The following CSMD3 variants were observed in gnomAD, a reference collection of about 807,000 sequenced individuals.
CSMD3 encodes CUB and sushi domain-containing protein 3.
In CSMD3, 177 loss-of-function variants were observed where a neutral mutation model predicts 435.2. The ratio of observed to expected loss-of-function variants is 0.41; its 90% CI spans 0.36 to 0.46. The LOEUF is 0.46. Among genes scored for constraint, CSMD3 ranks in the 20% least tolerant of loss-of-function variants. The pLI is 0.34. For missense variants in CSMD3, 4,265 were observed against 4,504.6 expected, an observed-to-expected ratio of 0.95 and a Z score of 1.52; for synonymous variants, 1,656 against 1,520.5, an observed-to-expected ratio of 1.09 and a Z score of -2.07.
intron 13 of CSMD3, among the ~76,000 whole-genome samples, chr8:112,725,913 T>C (rs563343139): frequency 1.3e-4 from 20 of 152,126 alleles, no homozygotes; most frequent in African/African-American, 4.3e-4. Flanking sequence ...TTCATACTGC[T>C]ATAAAGAACT....
chr8:113,131,316 G>A (rs2091278021), intron 4 of CSMD3, among the ~76,000 whole-genome samples: 2 of 152,022 alleles, frequency 1.3e-5, no homozygotes, highest in Admixed American at 1.3e-4. Flanking sequence ...AGCCAAGGAG[G>A]AAAAAATGGC....
At chr8:113,060,047 G>A (rs1347928821) in intron 5 of CSMD3, among the ~76,000 whole-genome samples, 1 of 146,298 alleles carries the variant, frequency 6.8e-6, no homozygotes, top group African/African-American at 2.5e-5. Flanking sequence ...CATTGTGCAG[G>A]TTAGTTACAT....
At chr8:112,815,179 G>A (rs2079339284) in intron 12 of CSMD3, among the ~76,000 whole-genome samples, 1 of 152,012 alleles carries the variant, frequency 6.6e-6, no homozygotes, top group African/African-American at 2.4e-5. Flanking sequence ...ATAATGTATG[G>A]TTTTTAAAAT....
intron 32 of CSMD3, among the ~76,000 whole-genome samples, chr8:112,437,010 A>G (rs1814428925): frequency 6.6e-6 from 1 of 152,046 alleles, no homozygotes; most frequent in South Asian, 2.1e-4. Context: ...AACTTGGCTA[A>G]AAGACGGGTT....
At chr8:113,169,690 T>C (rs2092231619) in intron 4 of CSMD3, among the ~76,000 whole-genome samples, 1 of 152,204 alleles carries the variant, frequency 6.6e-6, no homozygotes, top group South Asian at 2.1e-4. Context: ...GGGGTATGTG[T>C]ATTATATTGC....
At chr8:113,391,990 A>T (rs1457844528) in intron 1 of CSMD3, among the ~76,000 whole-genome samples, 1 of 152,016 alleles carries the variant, frequency 6.6e-6, no homozygotes, top group East Asian at 1.9e-4. Context: ...TTATCCCCAC[A>T]TCTCACCTAA....
intron 5 of CSMD3, among the ~76,000 whole-genome samples, chr8:113,088,564 C>G (rs568191662): frequency 1.3e-5 from 2 of 151,834 alleles, no homozygotes; most frequent in East Asian, 3.9e-4. Context: ...TTTGTAGGGA[C>G]ATGGATGAAG....
rs773585004 is a variant in CSMD3 at position 113,399,106 on chromosome 8, T to TATATATATACACACAC, written c.178+37570_178+37571insGTGTGTGTATATATAT. Among the ~76,000 whole-genome samples the TATATATATACACACAC allele has an allele frequency of 2.8e-3, 269 of 95,036 alleles. 4 individuals carry two copies. The highest frequency in any genetic ancestry group is 0.01 in the African/African-American group (226 of 22,120). 62.3% of individuals were successfully genotyped at this position (95,036 alleles called of 152,430 possible). A position where few individuals can be genotyped will look rare whatever the true frequency, so the allele number is the denominator to read the frequency against. ...ATATATATATATATATATATATATA[T>TATATATATACACACAC]ACACACACACACACACACTATATAT... On this transcript the variant is annotated intron_variant, in intron 1 of 70. Transcript: ENST00000297405.
intron 46 of CSMD3, among the ~76,000 whole-genome samples, chr8:112,319,506 A>G (rs1249617958): frequency 2.0e-5 from 3 of 152,190 alleles, no homozygotes; most frequent in Non-Finnish European, 4.4e-5. Context: ...TTTCCAAGAT[A>G]TGGAAATGAA....
At chr8:113,147,925 G>A (rs1463732835) in intron 4 of CSMD3, among the ~76,000 whole-genome samples, 1 of 151,570 alleles carries the variant, frequency 6.6e-6, no homozygotes, top group African/African-American at 2.4e-5. Context: ...AGTGTCTCTT[G>A]TTTAGAACAC....
At position 112,656,313 on chromosome 8, in the gene CSMD3, G is replaced by A. The variant is rs2131662386; in HGVS notation, c.2845C>T (p.Leu949=). Reference sequence around the variant, plus strand: ...AGATTTGGCCCATCATGAACTTCCAGAACATCATAATTCAGTTCAGTCTGA... The same window carrying A: ...AGATTTGGCCCATCATGAACTTCCAAAACATCATAATTCAGTTCAGTCTGA... The part of the protein sequence containing the change: ...RFQTELNYDV[L]EVHDGPNLLS... Residue 949 remains leucine (L), a synonymous_variant, in exon 18 of 71, where the codon CTG becomes TTG. Transcript: ENST00000297405. 1 of 1,613,308 alleles carries A rather than the reference G, an allele frequency of 6.2e-7. No individual in the cohort carries two copies. The highest frequency in any genetic ancestry group is 8.5e-7 in the Non-Finnish European group (1 of 1,179,526).
intron 13 of CSMD3, among the ~76,000 whole-genome samples, chr8:112,726,562 C>T (rs1477503014): frequency 6.6e-6 from 1 of 151,752 alleles, no homozygotes; most frequent in East Asian, 1.9e-4. Flanking sequence ...TAGTATTAAG[C>T]AGAGTGTTAG....
At chr8:112,619,026 G>T (rs551225417) in intron 22 of CSMD3, among the ~76,000 whole-genome samples, 1 of 152,052 alleles carries the variant, frequency 6.6e-6, no homozygotes, top group East Asian at 1.9e-4. Context: ...ACTATACAAA[G>T]GACATTTGAA....
intron 3 of CSMD3, among the ~76,000 whole-genome samples, chr8:113,248,275 C>A (rs1010308504): frequency 9.3e-5 from 14 of 151,052 alleles, no homozygotes; most frequent in Non-Finnish European, 1.9e-4. Context: ...CTTACGTGTA[C>A]CATTTTTCAA....
chr8:112,865,264 G>A (rs1265283090), intron 10 of CSMD3, among the ~76,000 whole-genome samples: 1 of 152,140 alleles, frequency 6.6e-6, no homozygotes, highest in Non-Finnish European at 1.5e-5. Context: ...AAGACAGGCT[G>A]ACATTTTATT....
Position 112,909,027 on chromosome 8 carries a change from CT to C in CSMD3, c.1633+12599del, listed in dbSNP as rs950896809. On this transcript the variant is annotated intron_variant, in intron 10 of 70. Coordinates refer to ENST00000297405, the MANE Select transcript of CSMD3 (RefSeq NM_198123.2). The stretch of plus-strand genomic sequence containing the variant: ...TTTTTATATCTAAAGGTTTTCTTGT[CT>C]TTTTTTTTCCCTCAGAATTTAGTAG... Among the ~76,000 whole-genome samples the C allele has an allele frequency of 4.6e-4, 69 of 150,112 alleles. 3 individuals are homozygous for C. In the South Asian group the frequency reaches 0.011, roughly 24 times the overall value.
chr8:112,682,437 C>A lies in CSMD3; in HGVS notation c.2677+5G>T. Reference sequence around the variant, plus strand: ...GTTCTATTTCTCACTCACTACTACACTTACCTCCACATTTTGGAATCAGTC... The same window carrying A: ...GTTCTATTTCTCACTCACTACTACAATTACCTCCACATTTTGGAATCAGTC... On this transcript the variant is annotated splice_donor_5th_base_variant and intron_variant, in intron 16 of 70. Coordinates refer to ENST00000297405, the MANE Select transcript of CSMD3 (RefSeq NM_198123.2). 6.2e-7 allele frequency: 1 copy of A among 1,608,790 alleles called. No homozygotes were observed. Among genetic ancestry groups the A allele is most frequent in the Non-Finnish European group, 8.5e-7 (1 of 1,176,940 alleles).
intron 9 of CSMD3, among the ~76,000 whole-genome samples, chr8:112,930,296 A>C (rs148075515): frequency 6.6e-6 from 1 of 152,106 alleles, no homozygotes; most frequent in African/African-American, 2.4e-5. Flanking sequence ...AAACTAAATA[A>C]TGTAATGAAG....
At chr8:112,815,296 A>C (rs753666537) in intron 12 of CSMD3, among the ~76,000 whole-genome samples, 3 of 152,188 alleles carry the variant, frequency 2.0e-5, no homozygotes, top group Non-Finnish European at 2.9e-5. Flanking sequence ...CATAGGATTC[A>C]GAAGTTTTAA....
Sources: gnomAD v4.1 joint callset for allele counts (sites outside exome capture counted in the v4.1 genomes callset) on GRCh38, gnomAD v4.1.1 for gene constraint, MANE v1.5 for transcripts, NCBI Gene and HGNC (gene_info 2026-07-23, HGNC 2026-07-21) for gene names.